Variants in IL22 observed in about 807,000 individuals in gnomAD.
IL22 encodes the protein interleukin-22.
IL22 carries 15 observed loss-of-function variants against 15.5 expected under a neutral mutation model. The observed-to-expected ratio is 0.97, with a 90% CI of 0.65 to 1.49. IL22 has a LOEUF of 1.49. Ranked by LOEUF, IL22 falls within the 40% of genes most tolerant of loss-of-function variation. The probability of loss-of-function intolerance (pLI) is 0.00; values close to 1 mark genes in which losing one functional copy is unlikely to be tolerated. For synonymous variants in IL22, 91 were observed against 82.0 expected (o/e 1.11, Z -0.60); for missense variants, 225 against 215.4 (o/e 1.04, Z -0.28).
rs1310771419 is a variant in IL22, at chr12:68,248,508, GA to G, written c.*290del. The G allele has an allele frequency of 4.6e-6, 1 of 218,080 alleles. No homozygotes were observed. The allele number at this position is 218,080 out of a possible 1,614,324, so 13.5% of individuals were successfully genotyped here. A position where few individuals can be genotyped will look rare whatever the true frequency, so the allele number is the denominator to read the frequency against. Reference sequence around the variant, plus strand: ...GGAATGGAAAGTAATCTTTTTTATGGAAAAAGACAATTATTTAAAAAATAAA... The same window carrying G: ...GGAATGGAAAGTAATCTTTTTTATGGAAAAGACAATTATTTAAAAAATAAA... On this transcript the variant is annotated 3_prime_UTR_variant, in exon 6 of 6. Transcript: ENST00000538666.
chr12:68,250,001 C>G (rs1458159858), intron 5 of IL22, among the ~76,000 whole-genome samples: 1 of 152,094 alleles, frequency 6.6e-6, no homozygotes, highest in Non-Finnish European at 1.5e-5. Context: ...CTGCTTTTAC[C>G]CCCAACGAGA....
chr12:68,251,431 G>A (rs1235763917), intron 5 of IL22, 82 bp downstream of exon 5: 2 of 1,040,320 alleles, frequency 1.9e-6, no homozygotes, highest in African/African-American at 1.6e-5. Context: ...AAATCACAAA[G>A]TGATGGGAAG....
intron 2 of IL22, 72 bp from the exon 3 acceptor site, chr12:68,252,901 C>A: frequency 7.8e-6 from 9 of 1,156,866 alleles, no homozygotes; most frequent in South Asian, 7.4e-5. Flanking sequence ...TAGACATGTG[C>A]CCCATCCCGT....
At chr12:68,250,939 T>C (rs555997288) in intron 5 of IL22, among the ~76,000 whole-genome samples, 3 of 152,358 alleles carry the variant, frequency 2.0e-5, no homozygotes, top group Admixed American at 6.5e-5. Flanking sequence ...ATCTGATAGA[T>C]ATTATGATAA....
At chr12:68,253,003 A>G (rs933044493) in intron 2 of IL22, among the ~76,000 whole-genome samples, 174 bp from the exon 3 acceptor site, 18 of 151,036 alleles carry the variant, frequency 1.2e-4, no homozygotes, top group Non-Finnish European at 2.5e-4. Context: ...GAAAAAAAAA[A>G]TCATCAGATG....
chr12:68,250,735 C>T (rs1869899976), intron 5 of IL22, among the ~76,000 whole-genome samples: 1 of 152,008 alleles, frequency 6.6e-6, no homozygotes, highest in African/African-American at 2.4e-5. Context: ...GATAAATGCT[C>T]CCTAGGGATT....
chr12:68,248,553 A>G lies in IL22; in HGVS notation c.*246T>C, dbSNP rs1241188774. 2.5e-6 allele frequency: 1 copy of G among 396,250 alleles called. No individual in the cohort carries two copies. Among genetic ancestry groups the G allele is most frequent in the African/African-American group, 2.1e-5 (1 of 48,636 alleles). The allele number at this position is 396,250 out of a possible 1,614,324, so 24.5% of individuals were successfully genotyped here. On this transcript the variant is annotated 3_prime_UTR_variant, in exon 6 of 6. Coordinates refer to ENST00000538666, the MANE Select transcript of IL22 (RefSeq NM_020525.5). The stretch of plus-strand genomic sequence containing the variant: ...AAATAAATTGTTTTCTGTGTATAGA[A>G]CACCAGTTACAATGAAATGTTATCA...
intron 5 of IL22, among the ~76,000 whole-genome samples, 164 bp from the exon 6 acceptor site, chr12:68,249,040 G>A (rs1869833911): frequency 6.6e-6 from 1 of 152,170 alleles, no homozygotes; most frequent in African/African-American, 2.4e-5. Context: ...ATTTGCCAAA[G>A]AGCTTAAAAT....
In IL22 at chr12:68,248,579, A is replaced by T; in HGVS notation, c.*220T>A. ...CACCAGTTACAATGAAATGTTATCA[A>T]TAAATATCTATGCTTAGAAAGTCTA... On this transcript the variant is annotated 3_prime_UTR_variant, in exon 6 of 6. Transcript: ENST00000538666. 2.2e-6 allele frequency: 1 copy of T among 451,790 alleles called. No homozygotes were observed. The highest frequency in any genetic ancestry group is 4.6e-5 in the South Asian group (1 of 21,852). 28.0% of individuals were successfully genotyped at this position (451,790 alleles called of 1,614,324 possible).
chr12:68,252,850 A>G, intron 2 of IL22, 21 bp from the exon 3 acceptor site: 1 of 1,609,614 alleles, frequency 6.2e-7, no homozygotes, highest in Non-Finnish European at 8.5e-7. Context: ...AGAAAAGACT[A>G]AGGGTCTGGA....
Position 68,248,797 on chromosome 12 carries a change from G to C in IL22, c.*2C>G. On this transcript the variant is annotated 3_prime_UTR_variant, in exon 6 of 6. Transcript: ENST00000538666. ...GTTATTCATTTTTCAGCTTTGCTCT[G>C]GTCAAATGCAGGCATTTCTCAGAGA... 6.2e-7 allele frequency: 1 copy of C among 1,609,204 alleles called. No homozygotes were observed. Among genetic ancestry groups the C allele is most frequent in the Non-Finnish European group, 8.5e-7 (1 of 1,176,130 alleles).
At chr12:68,249,010 T>C in intron 5 of IL22, 134 bp from the exon 6 acceptor site, 1 of 715,192 alleles carries the variant, frequency 1.4e-6, no homozygotes, top group South Asian at 1.7e-5. Context: ...TTCATAGTAA[T>C]ATCCCTTTAG....
At chr12:68,251,725 G>C in intron 4 of IL22, 147 bp from the exon 5 acceptor site, 4 of 627,932 alleles carry the variant, frequency 6.4e-6, no homozygotes, top group South Asian at 6.0e-5. Context: ...CAGTGACCTA[G>C]ATTTCCTGAG....
In IL22 at chr12:68,248,755, G is replaced by A; in HGVS notation, c.*44C>T. On this transcript the variant is annotated 3_prime_UTR_variant, in exon 6 of 6. Transcript: ENST00000538666. ...TTGGGGCATCTAATTGTTATTTCTA[G>A]CAGGGAAAGGGGGTTAGTTATTCAT... 1 of 1,482,562 alleles carries A rather than the reference G, an allele frequency of 6.7e-7. No homozygotes were observed. The highest frequency in any genetic ancestry group is 9.3e-7 in the Non-Finnish European group (1 of 1,071,212). 91.8% of individuals were successfully genotyped at this position (1,482,562 alleles called of 1,614,324 possible). A position where few individuals can be genotyped will look rare whatever the true frequency, so the allele number is the denominator to read the frequency against.
chr12:68,250,722 A>G (rs1306248019), intron 5 of IL22, among the ~76,000 whole-genome samples: 1 of 152,180 alleles, frequency 6.6e-6, no homozygotes, highest in East Asian at 1.9e-4. Flanking sequence ...CCAGCCCACC[A>G]TGGATAAATG....
At position 68,248,874 on chromosome 12, in the gene IL22, A is replaced by G. The variant is rs1869827506; in HGVS notation, c.465T>C (p.Leu155=). The change falls in exon 6 of 6, where the codon CTT becomes CTC. Residue 155 remains leucine (L), a splice_region_variant and synonymous_variant. Coordinates refer to ENST00000538666, the MANE Select transcript of IL22 (RefSeq NM_020525.5). ...VQKLKDTVKK[L]GESGEIKAIG... Reference sequence around the variant, plus strand: ...TTGCTTTGATCTCTCCACTCTCTCCAAGCTGTGAAAATAAGAATGCAAAAG... The same window carrying G: ...TTGCTTTGATCTCTCCACTCTCTCCGAGCTGTGAAAATAAGAATGCAAAAG... 1 of 1,611,424 alleles carries G rather than the reference A, an allele frequency of 6.2e-7. No individual in the cohort carries two copies. The highest frequency in any genetic ancestry group is 8.5e-7 in the Non-Finnish European group (1 of 1,178,072).
At position 68,251,531 on chromosome 12, in the gene IL22, C is replaced by A; in HGVS notation, c.444G>T (p.Leu148=). 6.2e-7 allele frequency: 1 copy of A among 1,612,102 alleles called. No homozygotes were observed. Among genetic ancestry groups the A allele is most frequent in the Non-Finnish European group, 8.5e-7 (1 of 1,178,212 alleles). Residue 148 remains leucine (L), a synonymous_variant, in exon 5 of 6, where the codon CTG becomes CTT. Transcript: ENST00000538666. ...GTCCTACCTTTTTCACTGTGTCCTT[C>A]AGCTTTTGCACATTCCTCTGGATAT... ...DLHIQRNVQK[L]KDTVKKLGES... is the part of the protein sequence containing the mutation.
intron 4 of IL22, among the ~76,000 whole-genome samples, chr12:68,251,801 G>C (rs1478962152): frequency 6.6e-6 from 1 of 152,050 alleles, no homozygotes; most frequent in African/African-American, 2.4e-5. Context: ...CTTCATCTTT[G>C]GGAAATCCTA....
At chr12:68,251,450 G>GA (rs1869927510) in intron 5 of IL22, 63 bp downstream of exon 5, 1 of 1,216,602 alleles carries the variant, frequency 8.2e-7, no homozygotes. Context: ...AGAAAGAAAG[G>GA]AAAGAAAAAC....
Sources: gnomAD v4.1 joint callset for allele counts (sites outside exome capture counted in the v4.1 genomes callset) on GRCh38, gnomAD v4.1.1 for gene constraint, MANE v1.5 for transcripts, NCBI Gene and HGNC (gene_info 2026-07-23, HGNC 2026-07-21) for gene names.